Variants in DCP2 observed in about 807,000 individuals in gnomAD.
DCP2 encodes the protein m7GpppN-mRNA hydrolase.
A neutral mutation model predicts 56.1 loss-of-function variants in DCP2; 30 were observed. The observed-to-expected ratio is 0.53, with a 90% CI of 0.40 to 0.73. The LOEUF (loss-of-function observed/expected upper bound fraction) is 0.73, where lower values mean the gene tolerates loss of function less well. Among genes scored for constraint, DCP2 ranks in the 30% least tolerant of loss-of-function variants. The pLI, the probability that DCP2 is intolerant of heterozygous loss-of-function variation, is 0.00. For missense variants in DCP2, 533 were observed against 502.7 expected (o/e 1.06, Z -0.58); for synonymous variants, 197 against 163.3 (o/e 1.21, Z -1.57).
chr5:112,990,206 T>C (rs531031953), intron 2 of DCP2, among the ~76,000 whole-genome samples: 1 of 152,316 alleles, frequency 6.6e-6, no homozygotes, highest in South Asian at 2.1e-4. Flanking sequence ...GACTGCATAC[T>C]TTGATAAGAG....
intron 2 of DCP2, 99 bp from the exon 3 acceptor site, chr5:112,992,022 T>G (rs1263108244): frequency 4.0e-6 from 6 of 1,500,946 alleles, no homozygotes; most frequent in East Asian, 2.4e-5. Context: ...TTGAATAATT[T>G]CACATGAAAT....
At chr5:112,996,240 G>A (rs539181020) in intron 4 of DCP2, among the ~76,000 whole-genome samples, 23 of 152,256 alleles carry the variant, frequency 1.5e-4, no homozygotes, top group African/African-American at 4.3e-4. Flanking sequence ...GAAGCTGCAC[G>A]GCTTGACCGA....
intron 4 of DCP2, among the ~76,000 whole-genome samples, chr5:112,996,249 G>A (rs1474921740): frequency 2.0e-5 from 3 of 152,132 alleles, no homozygotes; most frequent in African/African-American, 7.2e-5. Flanking sequence ...CGGCTTGACC[G>A]AGTGACATTA....
intron 9 of DCP2, among the ~76,000 whole-genome samples, chr5:113,009,736 G>C (rs946715534): frequency 3.3e-5 from 5 of 152,018 alleles, no homozygotes; most frequent in African/African-American, 1.2e-4. Context: ...TATTGAAAAA[G>C]GAATTTCTTC....
At position 113,003,996 on chromosome 5, in the gene DCP2, C is replaced by G. The variant is rs751389450; in HGVS notation, c.861C>G (p.Asp287Glu). 1.2e-5 allele frequency: 19 copies of G among 1,613,930 alleles called. No homozygotes were observed. The highest frequency in any genetic ancestry group is 1.3e-5 in the Non-Finnish European group (15 of 1,179,988). The change falls in exon 8 of 11, where the codon GAC becomes GAG. Residue 287 changes from aspartate to glutamate, a missense_variant. This residue lies in a region of DCP2 where 392 missense variants were observed against 346.6 expected (regional missense o/e 1.13). Coordinates refer to ENST00000389063, the MANE Select transcript of DCP2 (RefSeq NM_152624.6). ...QQLFPDGSPG[D>E]QWVKHRQPLQ... ...TATTTCCTGACGGTTCTCCTGGTGACCAGTGGGTAAAGCACAGGCAACCAC... is the reference window on the plus strand; with the variant it reads ...TATTTCCTGACGGTTCTCCTGGTGAGCAGTGGGTAAAGCACAGGCAACCAC...
At chr5:113,007,352 GGATAAGGCAA>G (rs1307103931) in intron 8 of DCP2, among the ~76,000 whole-genome samples, 1 of 151,460 alleles carries the variant, frequency 6.6e-6, no homozygotes, top group East Asian at 1.9e-4. Context: ...AGCAGACATG[GGATAAGGCAA>G]GAGGTGTGGA....
chr5:113,004,725 C>G (rs1749330337), intron 8 of DCP2, among the ~76,000 whole-genome samples: 1 of 151,976 alleles, frequency 6.6e-6, no homozygotes, highest in African/African-American at 2.4e-5. Context: ...TTTATATCCT[C>G]AGCAAAATAC....
chr5:113,003,833 A>G, intron 7 of DCP2, 109 bp from the exon 8 acceptor site: 1 of 1,256,600 alleles, frequency 8.0e-7, no homozygotes, highest in African/African-American at 1.5e-5. Flanking sequence ...AGTGGGGAAG[A>G]TAGACAGTAA....
chr5:112,979,085 G>A (rs1747871923), intron 1 of DCP2, among the ~76,000 whole-genome samples: 2 of 152,082 alleles, frequency 1.3e-5, no homozygotes, highest in South Asian at 4.1e-4. Context: ...AATATGTTAA[G>A]CACCTGTCAA....
In DCP2 at chr5:113,013,412, C is replaced by G. The variant is rs149633478; in HGVS notation, c.1191C>G (p.Phe397Leu). The change falls in exon 11 of 11, where the codon TTC becomes TTG. Residue 397 changes from phenylalanine (F) to leucine (L), a missense_variant. Physicochemically the swap from Phe to Leu is conservative, Grantham distance 22. This residue lies in a region of DCP2 where 392 missense variants were observed against 346.6 expected (regional missense o/e 1.13). Transcript: ENST00000389063. The stretch of plus-strand genomic sequence containing the variant: ...TGGCATGTAATGGACATTGCAAGTT[C>G]CCCTTTTCATCCAGAGCCTTTTTGA... ...QPVACNGHCKFPFSSRAFLSF... is the reference protein window; with the variant it reads ...QPVACNGHCKLPFSSRAFLSF... The G allele has an allele frequency of 3.1e-6, 5 of 1,613,972 alleles. No individual in the cohort carries two copies. The South Asian group carries it at 3.3e-5, about 11-fold the overall frequency.
rs1561703544 is a variant in DCP2 at position 113,007,964 on chromosome 5, A to G, written c.969A>G (p.Arg323=). The G allele has an allele frequency of 6.2e-7, 1 of 1,613,962 alleles. No individual in the cohort carries two copies. The highest frequency in any genetic ancestry group is 8.5e-7 in the Non-Finnish European group (1 of 1,179,886). Residue 323 remains arginine (R), a synonymous_variant, in exon 9 of 11, where the codon AGA becomes AGG. Coordinates refer to ENST00000389063, the MANE Select transcript of DCP2 (RefSeq NM_152624.6). ...GKNQSMRGNG[R]KQYQDSPNQK... is the part of the protein sequence containing the mutation. ...ATCAAAGTATGAGGGGAAATGGCAG[A>G]AAACAGTATCAAGATTCACCTAATC...
At chr5:112,987,255 G>A (rs1473939705) in intron 2 of DCP2, among the ~76,000 whole-genome samples, 1 of 152,168 alleles carries the variant, frequency 6.6e-6, no homozygotes, top group African/African-American at 2.4e-5. Flanking sequence ...GATTTTCTCA[G>A]TAGAAGTGGG....
chr5:113,012,566 G>A (rs1026277397), intron 10 of DCP2, among the ~76,000 whole-genome samples: 2 of 152,044 alleles, frequency 1.3e-5, no homozygotes, highest in East Asian at 1.9e-4. Context: ...TAAAAGGAGG[G>A]GGGAAAAAAT....
At chr5:113,000,417 CACA>C (rs1269899696) in intron 4 of DCP2, among the ~76,000 whole-genome samples, 7 of 115,118 alleles carry the variant, frequency 6.1e-5, no homozygotes, top group Middle Eastern at 4.2e-3. Context: ...CACACACACA[CACA>C]CACACCCACA....
rs1292946782 is a variant in DCP2, at chr5:113,013,437, A to T, written c.1216A>T (p.Ser406Cys). ...KFPFSSRAFL[S>C]FKFDHNAIMK... ...CCCCTTTTCATCCAGAGCCTTTTTG[A>T]GTTTCAAGTTTGACCATAATGCTAT... Residue 406 changes from serine (S) to cysteine (C), a missense_variant, in exon 11 of 11, where the codon AGT (serine) becomes TGT (cysteine). Physicochemically the swap from Ser to Cys is moderately radical, Grantham distance 112. Transcript: ENST00000389063. 1 of 1,614,092 alleles carries T rather than the reference A, an allele frequency of 6.2e-7. No individual in the cohort carries two copies. Among genetic ancestry groups the T allele is most frequent in the Non-Finnish European group, 8.5e-7 (1 of 1,179,970 alleles).
rs897794716 is a variant in DCP2 at position 113,015,012 on chromosome 5, C to T, written c.*1528C>T. 3.3e-5 allele frequency: 5 copies of T among 152,594 alleles called. No individual in the cohort carries two copies. The highest frequency in any genetic ancestry group is 1.2e-4 in the African/African-American group (5 of 41,444). The allele number at this position is 152,594 out of a possible 1,614,324, so 9.5% of individuals were successfully genotyped here. A position where few individuals can be genotyped will look rare whatever the true frequency, so the allele number is the denominator to read the frequency against. On this transcript the variant is annotated 3_prime_UTR_variant, in exon 11 of 11. Coordinates refer to ENST00000389063, the MANE Select transcript of DCP2 (RefSeq NM_152624.6). ...AAATTCTATTTATTAATGAAAGTGT[C>T]ACCCTTTTGGTGCTAAGCAGGAGAA...
chr5:112,987,213 T>G (rs964435706), intron 2 of DCP2, among the ~76,000 whole-genome samples: 1 of 152,190 alleles, frequency 6.6e-6, no homozygotes, highest in Non-Finnish European at 1.5e-5. Context: ...TGGAAATATT[T>G]TAGGGAAAGC....
At chr5:113,008,933 TCC>T (rs1749561006) in intron 9 of DCP2, among the ~76,000 whole-genome samples, 1 of 152,112 alleles carries the variant, frequency 6.6e-6, no homozygotes. Flanking sequence ...AACCTCCACT[TCC>T]CGGGTTCAAG....
At chr5:112,981,068 G>C (rs1034882309) in intron 1 of DCP2, among the ~76,000 whole-genome samples, 1 of 151,998 alleles carries the variant, frequency 6.6e-6, no homozygotes, top group African/African-American at 2.4e-5. Flanking sequence ...CATTGCCCAG[G>C]CATGATCATA....
Sources: gnomAD v4.1 joint callset for allele counts (sites outside exome capture counted in the v4.1 genomes callset) on GRCh38, gnomAD v4.1.1 for gene constraint, gnomAD v4.1.1 regional missense constraint, MANE v1.5 for transcripts, NCBI Gene and HGNC (gene_info 2026-07-23, HGNC 2026-07-21) for gene names.